RPS6KC1: variants seen among roughly 807,000 people sequenced by gnomAD.
RPS6KC1 encodes the protein ribosomal protein S6 kinase C1.
A neutral mutation model predicts 103.8 loss-of-function variants in RPS6KC1; 54 were observed. That is an observed-to-expected ratio of 0.52 (90% CI 0.42 to 0.65). The LOEUF (loss-of-function observed/expected upper bound fraction) is 0.65, where lower values mean the gene tolerates loss of function less well. Among genes scored for constraint, RPS6KC1 ranks in the 30% least tolerant of loss-of-function variants. The pLI is 0.00. For synonymous variants in RPS6KC1, 439 were observed against 438.7 expected, an observed-to-expected ratio of 1.00 and a Z score of -0.01; for missense variants, 1,151 against 1,253.8, an observed-to-expected ratio of 0.92 and a Z score of 1.24.
At chr1:213,193,072 G>GT (rs748162824) in intron 8 of RPS6KC1, among the ~76,000 whole-genome samples, 2,285 of 139,644 alleles carry the variant, frequency 0.016, 20 homozygotes, top group Middle Eastern at 0.018. Flanking sequence ...TATTATTCCA[G>GT]TTTTTTTTTT....
At chr1:213,493,582 C>T in the RPS6KC1 span, among the ~76,000 whole-genome samples, 2 of 152,218 alleles carry the variant, frequency 1.3e-5, no homozygotes, top group African/African-American at 4.8e-5. Flanking sequence ...ACTTAATGCT[C>T]TTCCCTTCCC....
At chr1:213,394,177 T>C in the RPS6KC1 span, among the ~76,000 whole-genome samples, 1 of 152,122 alleles carries the variant, frequency 6.6e-6, no homozygotes, top group Admixed American at 6.5e-5. Context: ...GTCATTGCTG[T>C]TTACCATGTG....
At chr1:213,137,825 T>TTTTTTTTTC (rs1212063885) in intron 6 of RPS6KC1, among the ~76,000 whole-genome samples, 5 of 123,422 alleles carry the variant, frequency 4.1e-5, no homozygotes, top group Non-Finnish European at 8.2e-5. Flanking sequence ...TTTTTTTTTT[T>TTTTTTTTTC]TCCTTCCCCC....
chr1:213,422,785 G>A, the RPS6KC1 span, among the ~76,000 whole-genome samples: 2 of 152,230 alleles, frequency 1.3e-5, no homozygotes, highest in Non-Finnish European at 2.9e-5. Context: ...CCAACACATT[G>A]TTTGTATTGA....
the RPS6KC1 span, among the ~76,000 whole-genome samples, chr1:213,652,902 G>A: frequency 2.0e-5 from 3 of 152,174 alleles, no homozygotes; most frequent in East Asian, 5.8e-4. Flanking sequence ...CATTTTCTGA[G>A]CCATGAAGTT....
intron 4 of RPS6KC1, among the ~76,000 whole-genome samples, chr1:213,113,202 C>T (rs2083210486): frequency 6.6e-6 from 1 of 151,546 alleles, no homozygotes; most frequent in Non-Finnish European, 1.5e-5. Flanking sequence ...GTTCCTATTT[C>T]TCCACATCCT....
At chr1:213,601,396 TTG>T in the RPS6KC1 span, among the ~76,000 whole-genome samples, 2 of 147,964 alleles carry the variant, frequency 1.4e-5, no homozygotes, top group African/African-American at 4.9e-5. Flanking sequence ...ATATTTATAT[TTG>T]TATATATTAT....
the RPS6KC1 span, among the ~76,000 whole-genome samples, chr1:213,509,494 A>C: frequency 6.6e-6 from 1 of 152,066 alleles, no homozygotes; most frequent in Admixed American, 6.5e-5. Context: ...GGCTTCCCTG[A>C]CTCCTAGCTG....
the RPS6KC1 span, among the ~76,000 whole-genome samples, chr1:213,670,627 A>G: frequency 0.46 from 70,277 of 152,016 alleles, 16,841 homozygotes; most frequent in South Asian, 0.7. Context: ...CCCCCAGGCC[A>G]GGATAGGGGC....
At chr1:213,802,563 G>T in the RPS6KC1 span, among the ~76,000 whole-genome samples, 2 of 152,034 alleles carry the variant, frequency 1.3e-5, no homozygotes, top group African/African-American at 4.8e-5. Context: ...TCATTTTTAG[G>T]GTATAGACTT....
the RPS6KC1 span, among the ~76,000 whole-genome samples, chr1:213,780,917 A>G: frequency 4.6e-5 from 7 of 152,150 alleles, no homozygotes; most frequent in Non-Finnish European, 7.4e-5. Flanking sequence ...CAGCTACTCC[A>G]GAGGCTGAGG....
At chr1:213,128,834 C>T (rs1271980454) in intron 5 of RPS6KC1, among the ~76,000 whole-genome samples, 1 of 152,150 alleles carries the variant, frequency 6.6e-6, no homozygotes, top group Non-Finnish European at 1.5e-5. Context: ...ACACTTCTGT[C>T]CCGAGCATTT....
the RPS6KC1 span, among the ~76,000 whole-genome samples, chr1:213,853,385 T>C: frequency 6.6e-6 from 1 of 152,184 alleles, no homozygotes; most frequent in South Asian, 2.1e-4. Flanking sequence ...CTTAACCCCT[T>C]TGAGCCCCAA....
At chr1:213,480,737 C>T in the RPS6KC1 span, among the ~76,000 whole-genome samples, 1 of 152,068 alleles carries the variant, frequency 6.6e-6, no homozygotes, top group African/African-American at 2.4e-5. Context: ...ATTCTATCTC[C>T]TACTATTCCA....
the RPS6KC1 span, among the ~76,000 whole-genome samples, chr1:213,363,621 G>GCTTTCTTT: frequency 9.3e-5 from 8 of 85,998 alleles, no homozygotes; most frequent in Admixed American, 2.3e-4. Flanking sequence ...TTGCTTGCTT[G>GCTTTCTTT]CTTGCTTTCT....
chr1:213,115,543 C>T (rs2083494306), intron 4 of RPS6KC1, among the ~76,000 whole-genome samples: 1 of 152,036 alleles, frequency 6.6e-6, no homozygotes, highest in Admixed American at 6.5e-5. Flanking sequence ...TTTTTTGTAT[C>T]TCTATTTCCT....
intron 14 of RPS6KC1, among the ~76,000 whole-genome samples, chr1:213,270,041 G>A (rs2095008735): frequency 6.6e-6 from 1 of 152,040 alleles, no homozygotes; most frequent in Non-Finnish European, 1.5e-5. Flanking sequence ...CAGCAAAATT[G>A]GGAAACCTTT....
the RPS6KC1 span, among the ~76,000 whole-genome samples, chr1:213,512,514 C>T: frequency 6.6e-6 from 1 of 152,106 alleles, no homozygotes; most frequent in Non-Finnish European, 1.5e-5. Flanking sequence ...TCTTATTAGC[C>T]CATTAGCAAC....
chr1:213,103,185 C>CAA (rs567198765), intron 3 of RPS6KC1, among the ~76,000 whole-genome samples: 4 of 98,312 alleles, frequency 4.1e-5, no homozygotes, highest in African/African-American at 1.2e-4. Context: ...GACCCTGTCT[C>CAA]AAAAAAAAAA....
Sources: allele counts gnomAD v4.1 joint callset (sites outside exome capture counted in the v4.1 genomes callset), GRCh38; gene constraint gnomAD v4.1.1; transcripts MANE v1.5; gene names NCBI Gene and HGNC (gene_info 2026-07-23, HGNC 2026-07-21).